The following POU6F2 variants were observed in gnomAD, a reference collection of about 807,000 sequenced individuals.
POU6F2 encodes the protein POU domain, class 6, transcription factor 2.
A neutral mutation model predicts 71.3 loss-of-function variants in POU6F2; 31 were observed. That is an observed-to-expected ratio of 0.43 (90% CI 0.33 to 0.59). The LOEUF is 0.59. Ranked by LOEUF, POU6F2 falls within the 20% of genes least tolerant of loss-of-function variation. The pLI is 0.04. For missense variants in POU6F2, 783 were observed against 856.8 expected, an observed-to-expected ratio of 0.91 and a Z score of 1.07; for synonymous variants, 347 against 355.7, an observed-to-expected ratio of 0.98 and a Z score of 0.27.
chr7:39,375,329 C>A (rs1380476551), intron 5 of POU6F2, among the ~76,000 whole-genome samples: 1 of 152,144 alleles, frequency 6.6e-6, no homozygotes, highest in Non-Finnish European at 1.5e-5. Context: ...TTTGTTTCAG[C>A]CATTAAATGA....
intron 2 of POU6F2, among the ~76,000 whole-genome samples, chr7:39,165,719 AG>A (rs1341769474): frequency 4.6e-5 from 7 of 152,218 alleles, no homozygotes; most frequent in Non-Finnish European, 1.0e-4. Context: ...CTCTTGATGG[AG>A]GAAAAAACCT....
At chr7:39,422,467 T>C (rs1787872638) in intron 6 of POU6F2, among the ~76,000 whole-genome samples, 1 of 152,208 alleles carries the variant, frequency 6.6e-6, no homozygotes, top group African/African-American at 2.4e-5. Context: ...TGGGTGGAAA[T>C]GTCCACTCAC....
At chr7:39,225,223 G>A (rs1794440201) in intron 4 of POU6F2, among the ~76,000 whole-genome samples, 1 of 151,942 alleles carries the variant, frequency 6.6e-6, no homozygotes, top group South Asian at 2.1e-4. Flanking sequence ...AACCAGGCTG[G>A]AGTGCAGTGG....
chr7:39,110,426 C>G (rs1173754062), intron 2 of POU6F2, among the ~76,000 whole-genome samples: 1 of 151,998 alleles, frequency 6.6e-6, no homozygotes, highest in Non-Finnish European at 1.5e-5. Context: ...TTTATTGCAT[C>G]TGCATGGTAG....
intron 1 of POU6F2, among the ~76,000 whole-genome samples, chr7:39,054,781 TAA>T (rs35518758): frequency 2.1e-5 from 3 of 140,102 alleles, no homozygotes; most frequent in Non-Finnish European, 3.1e-5. Context: ...TGGAGACACT[TAA>T]AAAAAAAAAA....
chr7:39,057,888 A>C (rs1790564992), intron 1 of POU6F2, among the ~76,000 whole-genome samples: 1 of 152,208 alleles, frequency 6.6e-6, no homozygotes. Flanking sequence ...TTCTTCACAG[A>C]GTGAGGCCTC....
intron 5 of POU6F2, among the ~76,000 whole-genome samples, chr7:39,388,409 G>A (rs1786992709): frequency 6.6e-6 from 1 of 152,128 alleles, no homozygotes; most frequent in Admixed American, 6.5e-5. Context: ...TTTGCCTCCT[G>A]GATTCAAGTG....
At chr7:39,240,123 G>T (rs970221125) in intron 4 of POU6F2, among the ~76,000 whole-genome samples, 8 of 152,204 alleles carry the variant, frequency 5.3e-5, no homozygotes, top group African/African-American at 1.9e-4. Flanking sequence ...CATTCCTGCT[G>T]GGCTGTGTGT....
At chr7:39,335,689 C>G (rs1785756667) in intron 4 of POU6F2, among the ~76,000 whole-genome samples, 12 of 152,186 alleles carry the variant, frequency 7.9e-5, no homozygotes, top group Admixed American at 7.2e-4. Flanking sequence ...TCTTGAAAAG[C>G]TAATTCATCA....
intron 5 of POU6F2, among the ~76,000 whole-genome samples, chr7:39,354,411 A>G (rs959094696): frequency 2.0e-5 from 3 of 152,230 alleles, no homozygotes; most frequent in Admixed American, 1.3e-4. Context: ...CCTTGCCAAC[A>G]TGGTTCTTCA....
chr7:39,212,618 T>C (rs753655788), intron 4 of POU6F2, among the ~76,000 whole-genome samples: 5 of 152,190 alleles, frequency 3.3e-5, no homozygotes, highest in Non-Finnish European at 5.9e-5. Flanking sequence ...CCCATGTTTA[T>C]TGGGCTTTGG....
At chr7:39,065,517 A>C (rs756885922) in intron 1 of POU6F2, among the ~76,000 whole-genome samples, 37 of 151,570 alleles carry the variant, frequency 2.4e-4, no homozygotes, top group Non-Finnish European at 4.6e-4. Context: ...TTAAGTTGAT[A>C]ATTGTAACAG....
chr7:39,074,338 G>T (rs1790949912), intron 1 of POU6F2, among the ~76,000 whole-genome samples: 1 of 152,040 alleles, frequency 6.6e-6, no homozygotes, highest in African/African-American at 2.4e-5. Context: ...CAAAAAATTA[G>T]CTGGGTGTGG....
chr7:39,051,979 C>T (rs531696918), intron 1 of POU6F2, among the ~76,000 whole-genome samples: 16 of 152,238 alleles, frequency 1.1e-4, no homozygotes, highest in Non-Finnish European at 2.9e-5. Flanking sequence ...GTCACGTACT[C>T]ATGAACACTG....
chr7:39,383,569 C>G (rs1012101231), intron 5 of POU6F2, among the ~76,000 whole-genome samples: 3 of 152,124 alleles, frequency 2.0e-5, no homozygotes, highest in Non-Finnish European at 2.9e-5. Context: ...TTTGTCTCCA[C>G]CAACAGAGTA....
intron 1 of POU6F2, among the ~76,000 whole-genome samples, chr7:39,085,387 G>A (rs528209411): frequency 6.6e-5 from 10 of 151,850 alleles, no homozygotes; most frequent in East Asian, 1.9e-4. Context: ...CTTCTCCCCC[G>A]GGGAGAAGGC....
chr7:39,123,588 T>C (rs1446459853), intron 2 of POU6F2, among the ~76,000 whole-genome samples: 1 of 152,254 alleles, frequency 6.6e-6, no homozygotes, highest in African/African-American at 2.4e-5. Flanking sequence ...TAGAAACTAT[T>C]CTGGAGCCAT....
At chr7:39,266,228 G>A (rs1411845865) in intron 4 of POU6F2, among the ~76,000 whole-genome samples, 1 of 152,216 alleles carries the variant, frequency 6.6e-6, no homozygotes, top group African/African-American at 2.4e-5. Flanking sequence ...CTTAAAAAGT[G>A]TCCAAAAAAG....
intron 6 of POU6F2, among the ~76,000 whole-genome samples, chr7:39,431,747 T>A (rs1421524418): frequency 4.6e-5 from 7 of 152,224 alleles, no homozygotes; most frequent in African/African-American, 1.7e-4. Flanking sequence ...TGCCCCTGTG[T>A]CTTGTCTAGT....
Sources: gnomAD v4.1 joint callset for allele counts (sites outside exome capture counted in the v4.1 genomes callset) on GRCh38, gnomAD v4.1.1 for gene constraint, MANE v1.5 for transcripts, NCBI Gene and HGNC (gene_info 2026-07-23, HGNC 2026-07-21) for gene names.